ZFYVE16: variants seen among roughly 807,000 people sequenced by gnomAD.
The protein encoded by ZFYVE16 is zinc finger FYVE domain-containing protein 16.
A neutral mutation model predicts 138.1 loss-of-function variants in ZFYVE16; 89 were observed. The ratio of observed to expected loss-of-function variants is 0.64; its 90% CI spans 0.54 to 0.77. The LOEUF is 0.77. ZFYVE16 is among the 30% of genes least tolerant of loss of function. The pLI is 0.00. For missense variants in ZFYVE16, 1,793 were observed against 1,786.7 expected (o/e 1.00, Z -0.06); for synonymous variants, 596 against 618.3 (o/e 0.96, Z 0.53).
chr5:80,424,307 G>A (rs181025105), intron 1 of ZFYVE16, among the ~76,000 whole-genome samples: 3 of 152,168 alleles, frequency 2.0e-5, no homozygotes, highest in Non-Finnish European at 2.9e-5. Context: ...AGATTTCTGC[G>A]ATCAGGTTCC....
At chr5:80,431,240 G>A (rs1343920295) in intron 2 of ZFYVE16, among the ~76,000 whole-genome samples, 11 of 152,068 alleles carry the variant, frequency 7.2e-5, no homozygotes, top group South Asian at 2.1e-4. Flanking sequence ...CTTATCCACC[G>A]TGATCAAGTG....
At chr5:80,435,651 C>A in intron 3 of ZFYVE16, 2 of 366,970 alleles carry the variant, frequency 5.5e-6, no homozygotes, top group Non-Finnish European at 5.4e-6. Flanking sequence ...TCACTGCAGC[C>A]TTGAATTCCT....
intron 7 of ZFYVE16, among the ~76,000 whole-genome samples, chr5:80,447,684 G>C (rs1160728977): frequency 6.6e-6 from 1 of 152,142 alleles, no homozygotes; most frequent in Non-Finnish European, 1.5e-5. Context: ...ATAAGAAGGG[G>C]AGAGACTTGG....
At chr5:80,466,981 G>C (rs1005436087) in intron 15 of ZFYVE16, among the ~76,000 whole-genome samples, 9 of 152,098 alleles carry the variant, frequency 5.9e-5, no homozygotes, top group Non-Finnish European at 1.3e-4. Context: ...CCAGTGGTGG[G>C]GGCAGTAAGG....
intron 15 of ZFYVE16, among the ~76,000 whole-genome samples, chr5:80,460,516 C>T (rs928331917): frequency 6.6e-6 from 1 of 152,078 alleles, no homozygotes; most frequent in Non-Finnish European, 1.5e-5. Context: ...ATGTTGTCTT[C>T]GAGATTTAAA....
intron 2 of ZFYVE16, among the ~76,000 whole-genome samples, chr5:80,431,366 A>G (rs1006206786): frequency 6.6e-6 from 1 of 152,250 alleles, no homozygotes; most frequent in Non-Finnish European, 1.5e-5. Flanking sequence ...GATGCAGAAA[A>G]GGCCTTTGAC....
In ZFYVE16 at chr5:80,448,709, A is replaced by ATT. The variant is rs200461336; in HGVS notation, c.3103+313_3103+314dup. ...AGAATTTTGACACTGTATTATTACT[A>ATT]TTTTTTTTTAGGAGCATGATACCTA... On this transcript the variant is annotated intron_variant, in intron 8 of 18. Coordinates refer to ENST00000505560, the MANE Select transcript of ZFYVE16 (RefSeq NM_001284236.3). Among the ~76,000 whole-genome samples, 113 of 151,008 alleles carry ATT rather than the reference A, an allele frequency of 7.5e-4. 1 individual carries two copies. Among genetic ancestry groups the ATT allele is most frequent in the African/African-American group, 2.5e-3 (105 of 41,232 alleles).
At chr5:80,426,928 T>C (rs1002414686) in intron 1 of ZFYVE16, among the ~76,000 whole-genome samples, 3 of 152,238 alleles carry the variant, frequency 2.0e-5, no homozygotes, top group African/African-American at 7.2e-5. Flanking sequence ...TTCTTGACTT[T>C]TTAATGATTG....
chr5:80,436,407 A>G (rs767072673), intron 3 of ZFYVE16, among the ~76,000 whole-genome samples: 13 of 152,220 alleles, frequency 8.5e-5, no homozygotes, highest in East Asian at 3.8e-4. Context: ...ATCTAAGGAC[A>G]TTCGTTTATG....
chr5:80,411,134 A>ATTT lies in ZFYVE16; in HGVS notation c.-94+3000_-94+3002dup, dbSNP rs58086060. Reference sequence around the variant, plus strand: ...AGGCACGTGCCACCACGCCCAGCTAATTTTTTTTTTTTTTTTTTTTTGTAT... The same window carrying ATTT: ...AGGCACGTGCCACCACGCCCAGCTAATTTTTTTTTTTTTTTTTTTTTTTTGTAT... On this transcript the variant is annotated intron_variant, in intron 1 of 18. Coordinates refer to ENST00000505560, the MANE Select transcript of ZFYVE16 (RefSeq NM_001284236.3). Among the ~76,000 whole-genome samples the ATTT allele has an allele frequency of 5.1e-3, 486 of 95,226 alleles. 15 individuals are homozygous for ATTT. The highest frequency in any genetic ancestry group is 0.016 in the African/African-American group (399 of 24,878). The allele number at this position is 95,226 out of a possible 152,430, so 62.5% of individuals were successfully genotyped here.
chr5:80,429,957 C>T (rs1485941965), intron 2 of ZFYVE16, among the ~76,000 whole-genome samples: 2 of 152,134 alleles, frequency 1.3e-5, no homozygotes, highest in Admixed American at 6.5e-5. Flanking sequence ...TAGAGACCTA[C>T]AAAGAGACTT....
Position 80,438,508 on chromosome 5 carries a change from G to C in ZFYVE16, c.1823G>C (p.Gly608Ala). Residue 608 changes from glycine to alanine, a missense_variant, in exon 4 of 19, where the codon GGC becomes GCC. Coordinates refer to ENST00000505560, the MANE Select transcript of ZFYVE16 (RefSeq NM_001284236.3). ...GATAAACAAAATACAATAGAAAATG[G>C]CCTTTCTTTAGGAGAAAAAAGCACT... ...IVDKQNTIEN[G>A]LSLGEKSTIP... is the part of the protein sequence containing the mutation. The C allele has an allele frequency of 6.2e-7, 1 of 1,613,560 alleles. No homozygotes were observed. Among genetic ancestry groups the C allele is most frequent in the Admixed American group, 1.7e-5 (1 of 59,872 alleles).
Position 80,438,071 on chromosome 5 carries a change from A to T in ZFYVE16, c.1386A>T (p.Val462=), listed in dbSNP as rs778402585. 6.2e-7 allele frequency: 1 copy of T among 1,614,130 alleles called. No individual in the cohort carries two copies. The highest frequency in any genetic ancestry group is 8.5e-7 in the Non-Finnish European group (1 of 1,179,976). The part of the protein sequence containing the change: ...EDRKIDPDQT[V]IRAESLDGGD... Reference sequence around the variant, plus strand: ...GAAAGATAGATCCTGACCAGACAGTAATCAGAGCTGAGTCTTTGGATGGTG... The same window carrying T: ...GAAAGATAGATCCTGACCAGACAGTTATCAGAGCTGAGTCTTTGGATGGTG... Residue 462 remains valine (V), a synonymous_variant, in exon 4 of 19, where the codon GTA becomes GTT. Coordinates refer to ENST00000505560, the MANE Select transcript of ZFYVE16 (RefSeq NM_001284236.3).
At position 80,482,306 on chromosome 5, in the gene ZFYVE16, A is replaced by G. The variant is rs1307085936; in HGVS notation, c.*4929A>G. The stretch of plus-strand genomic sequence containing the variant: ...AAATTTACTGGAAGGTCTCAACACA[A>G]TGAAGATGACTGAGGGAAGAGTCAG... On this transcript the variant is annotated 3_prime_UTR_variant, in exon 19 of 19. Coordinates refer to ENST00000505560, the MANE Select transcript of ZFYVE16 (RefSeq NM_001284236.3). 1 of 152,264 alleles carries G rather than the reference A, an allele frequency of 6.6e-6. No individual in the cohort carries two copies. Among genetic ancestry groups the G allele is most frequent in the Non-Finnish European group, 1.5e-5 (1 of 68,044 alleles). 9.4% of individuals were successfully genotyped at this position (152,264 alleles called of 1,614,324 possible). A position where few individuals can be genotyped will look rare whatever the true frequency, so the allele number is the denominator to read the frequency against.
chr5:80,445,257 T>C lies in ZFYVE16; in HGVS notation c.2582-6T>C. 6.2e-7 allele frequency: 1 copy of C among 1,611,660 alleles called. No homozygotes were observed. Among genetic ancestry groups the C allele is most frequent in the Non-Finnish European group, 8.5e-7 (1 of 1,179,270 alleles). On this transcript the variant is annotated splice_polypyrimidine_tract_variant and splice_region_variant and intron_variant, in intron 6 of 18. Transcript: ENST00000505560. ...TCAAATGTTTTACTTTTTCAATTGA[T>C]TCTAGGACTATGTTCCAAAGAACAG...
At chr5:80,445,465 C>T in intron 7 of ZFYVE16, 60 bp downstream of exon 7, 6 of 1,491,028 alleles carry the variant, frequency 4.0e-6, no homozygotes, top group Non-Finnish European at 5.4e-6. Context: ...TAGATAATTC[C>T]TGGTGTGATT....
At chr5:80,460,241 A>C (rs576156676) in intron 15 of ZFYVE16, among the ~76,000 whole-genome samples, 29 of 152,272 alleles carry the variant, frequency 1.9e-4, no homozygotes, top group African/African-American at 6.7e-4. Flanking sequence ...TAAGCAGAGC[A>C]TCCTATTACA....
In ZFYVE16 at chr5:80,443,115, C is replaced by T. The variant is rs752008330; in HGVS notation, c.2420-8C>T. The T allele has an allele frequency of 2.0e-6, 3 of 1,532,120 alleles. No homozygotes were observed. The highest frequency in any genetic ancestry group is 2.6e-6 in the Non-Finnish European group (3 of 1,151,600). 94.9% of individuals were successfully genotyped at this position (1,532,120 alleles called of 1,614,324 possible). A position where few individuals can be genotyped will look rare whatever the true frequency, so the allele number is the denominator to read the frequency against. On this transcript the variant is annotated splice_region_variant and splice_polypyrimidine_tract_variant and intron_variant, in intron 5 of 18. Coordinates refer to ENST00000505560, the MANE Select transcript of ZFYVE16 (RefSeq NM_001284236.3). ...GAGATTTTAACACTATTGTTTTCCC[C>T]TTTATAGCTCAGGCATTTGAAAGGA...
At chr5:80,464,104 C>T (rs1466840396) in intron 15 of ZFYVE16, among the ~76,000 whole-genome samples, 1 of 152,326 alleles carries the variant, frequency 6.6e-6, no homozygotes, top group South Asian at 2.1e-4. Flanking sequence ...TGCCTGTTAC[C>T]AAGTTCCAAA....
Sources: allele counts gnomAD v4.1 joint callset (sites outside exome capture counted in the v4.1 genomes callset), GRCh38; gene constraint gnomAD v4.1.1; transcripts MANE v1.5; gene names NCBI Gene and HGNC (gene_info 2026-07-23, HGNC 2026-07-21).